The following CD2AP variants were observed in gnomAD, a reference collection of about 807,000 sequenced individuals.
The protein encoded by CD2AP is CD2 associated protein, also known as CD2-associated protein.
In CD2AP, 46 loss-of-function variants were observed where a neutral mutation model predicts 85.1. The observed-to-expected ratio is 0.54, with a 90% CI of 0.43 to 0.69. The LOEUF (loss-of-function observed/expected upper bound fraction) is 0.69. Ranked by LOEUF, CD2AP falls within the 30% of genes least tolerant of loss-of-function variation. The probability of loss-of-function intolerance (pLI) is 0.00; values close to 1 mark genes in which losing one functional copy is unlikely to be tolerated. For synonymous variants in CD2AP, 255 were observed against 252.9 expected, an observed-to-expected ratio of 1.01 and a Z score of -0.08; for missense variants, 769 against 729.5, an observed-to-expected ratio of 1.05 and a Z score of -0.62.
At chr6:47,624,121 A>G (rs1447535991) in intron 17 of CD2AP, 65 bp from the exon 18 acceptor site, 42 of 1,246,628 alleles carry the variant, frequency 3.4e-5, no homozygotes, top group Non-Finnish European at 4.6e-5. Flanking sequence ...TTAATGACAT[A>G]GAGTAAAATA....
intron 10 of CD2AP, 79 bp downstream of exon 10, chr6:47,580,979 A>G (rs557158528): frequency 1.4e-5 from 14 of 987,204 alleles, no homozygotes; most frequent in Admixed American, 5.1e-5. Flanking sequence ...ATCTAATGCA[A>G]ACTATTGATT....
chr6:47,527,448 G>C (rs183262493), intron 2 of CD2AP, among the ~76,000 whole-genome samples: 2 of 152,234 alleles, frequency 1.3e-5, no homozygotes, highest in Non-Finnish European at 2.9e-5. Flanking sequence ...TGAAAGAAAG[G>C]AAAGGGAGAA....
intron 5 of CD2AP, among the ~76,000 whole-genome samples, chr6:47,559,923 G>T (rs1325556720): frequency 1.3e-5 from 2 of 152,070 alleles, no homozygotes; most frequent in Non-Finnish European, 2.9e-5. Context: ...TTATAGTAGA[G>T]AAACCTAAGT....
chr6:47,509,088 G>T (rs1355508860), intron 2 of CD2AP, among the ~76,000 whole-genome samples: 1 of 152,142 alleles, frequency 6.6e-6, no homozygotes, highest in African/African-American at 2.4e-5. Flanking sequence ...AGAGGCTGTT[G>T]TAGGGTTATT....
intron 2 of CD2AP, among the ~76,000 whole-genome samples, chr6:47,526,560 G>C (rs539200026): frequency 1.8e-4 from 27 of 152,024 alleles, no homozygotes; most frequent in Non-Finnish European, 4.0e-4. Context: ...AGAGAAAATT[G>C]AAGGTTCCTA....
intron 3 of CD2AP, among the ~76,000 whole-genome samples, chr6:47,542,372 A>G (rs1339741620): frequency 2.0e-5 from 3 of 152,216 alleles, no homozygotes; most frequent in Non-Finnish European, 4.4e-5. Flanking sequence ...TTGTTTATTA[A>G]TTCATTCAAA....
At chr6:47,574,910 A>G (rs912396816) in intron 6 of CD2AP, among the ~76,000 whole-genome samples, 1 of 152,166 alleles carries the variant, frequency 6.6e-6, no homozygotes, top group African/African-American at 2.4e-5. Flanking sequence ...AGTTCCTTCT[A>G]TCAGTCCTAT....
chr6:47,516,753 G>T (rs749567350), intron 2 of CD2AP, among the ~76,000 whole-genome samples: 1 of 152,068 alleles, frequency 6.6e-6, no homozygotes, highest in Admixed American at 6.5e-5. Flanking sequence ...CTTATGAAAA[G>T]TTAGAAAACA....
chr6:47,497,144 CGT>C (rs983690321), intron 1 of CD2AP, among the ~76,000 whole-genome samples: 3 of 129,012 alleles, frequency 2.3e-5, no homozygotes, highest in African/African-American at 5.2e-5. Flanking sequence ...ATGACCATGT[CGT>C]GTTTTTTTTT....
In CD2AP at chr6:47,554,718, T is replaced by C. The variant is rs1227801606; in HGVS notation, c.493T>C (p.Leu165=). ...GTTTCCCTCAAATTTTGTGAAAGAA[T>C]TAGAGGTAACAGATGATGGTGAAAC... ...GLFPSNFVKE[L]EVTDDGETHE... Residue 165 remains leucine, a synonymous_variant, in exon 5 of 18, where the codon TTA becomes CTA. Transcript: ENST00000359314. 1.4e-5 allele frequency: 22 copies of C among 1,613,704 alleles called. No homozygotes were observed. Among genetic ancestry groups the C allele is most frequent in the Non-Finnish European group, 1.9e-5 (22 of 1,179,734 alleles).
intron 2 of CD2AP, among the ~76,000 whole-genome samples, chr6:47,509,578 T>C (rs1331665036): frequency 2.0e-5 from 3 of 152,234 alleles, no homozygotes; most frequent in Admixed American, 2.0e-4. Flanking sequence ...GAGGCTATAG[T>C]AGGGAATTGA....
chr6:47,541,216 C>T (rs1240089218), intron 3 of CD2AP, among the ~76,000 whole-genome samples: 1 of 152,148 alleles, frequency 6.6e-6, no homozygotes. Context: ...CTCCGCTTCC[C>T]AGGTTCATGC....
intron 4 of CD2AP, among the ~76,000 whole-genome samples, chr6:47,545,815 TACTACGTAAAGGAGC>T (rs1193302702): frequency 1.3e-5 from 2 of 151,754 alleles, no homozygotes; most frequent in African/African-American, 4.8e-5. Flanking sequence ...AGAGGGAGAG[TACTACGTAAAGGAGC>T]ACCCCATGGG....
intron 5 of CD2AP, among the ~76,000 whole-genome samples, chr6:47,557,183 T>C (rs1767721739): frequency 2.0e-5 from 3 of 151,654 alleles, no homozygotes; most frequent in Admixed American, 1.3e-4. Flanking sequence ...TTTTTTTTTT[T>C]CTTGTAAATA....
At chr6:47,493,630 C>G (rs1048126340) in intron 1 of CD2AP, among the ~76,000 whole-genome samples, 1 of 151,970 alleles carries the variant, frequency 6.6e-6, no homozygotes, top group Non-Finnish European at 1.5e-5. Flanking sequence ...AATTCTTAGC[C>G]ATTATTATTT....
At chr6:47,480,609 C>G (rs942847497) in intron 1 of CD2AP, among the ~76,000 whole-genome samples, 26 of 152,272 alleles carry the variant, frequency 1.7e-4, no homozygotes, top group Admixed American at 1.5e-3. Flanking sequence ...AATAAAATAT[C>G]AACCTCATAG....
intron 2 of CD2AP, among the ~76,000 whole-genome samples, chr6:47,521,004 C>T (rs1424302710): frequency 1.3e-5 from 2 of 151,984 alleles, no homozygotes; most frequent in African/African-American, 2.4e-5. Flanking sequence ...GGAACTTGCT[C>T]AGTTCCTGTC....
chr6:47,503,437 T>TG lies in CD2AP; in HGVS notation c.162_163insG (p.Lys55GlufsTer4). 1 of 1,613,180 alleles carries TG rather than the reference T, an allele frequency of 6.2e-7. No homozygotes were observed. Among genetic ancestry groups the TG allele is most frequent in the Non-Finnish European group, 8.5e-7 (1 of 1,179,216 alleles). On this transcript the variant is annotated frameshift_variant, in exon 2 of 18. Coordinates refer to ENST00000359314, the MANE Select transcript of CD2AP (RefSeq NM_012120.3). LOFTEE classifies it high-confidence loss of function. ...GAGGAATGTTCCCTGACAATTTCGT[T>TG]AAGGTAAGTATTTTCAGTTAAATTT...
rs913076873 is a variant in CD2AP at position 47,527,016 on chromosome 6, C to T, written c.166-6586C>T. On this transcript the variant is annotated intron_variant, in intron 2 of 17. Coordinates refer to ENST00000359314, the MANE Select transcript of CD2AP (RefSeq NM_012120.3). ...TTCTTATGTGCATTACCAATAAAAA[C>T]AGGGAAATATTTGTGTATCTTTCAT... Among the ~76,000 whole-genome samples, 6 of 152,086 alleles carry T rather than the reference C, an allele frequency of 3.9e-5. No individual in the cohort carries two copies. The South Asian group carries it at 1.3e-3, about 32-fold the overall frequency.
Sources: allele counts gnomAD v4.1 joint callset (sites outside exome capture counted in the v4.1 genomes callset), GRCh38; gene constraint gnomAD v4.1.1; transcripts MANE v1.5; gene names NCBI Gene and HGNC (gene_info 2026-07-23, HGNC 2026-07-21).